Variants in TMEM233 observed in about 807,000 individuals in gnomAD.
TMEM233 encodes transmembrane protein 233.
TMEM233 carries 6 observed loss-of-function variants against 11.2 expected under a neutral mutation model. The ratio of observed to expected loss-of-function variants is 0.54; its 90% CI spans 0.29 to 1.06. The LOEUF is 1.06. Among genes scored for constraint, TMEM233 ranks in the 50% least tolerant of loss-of-function variants. TMEM233 has a pLI of 0.08. For synonymous variants in TMEM233, 59 were observed against 55.8 expected, an observed-to-expected ratio of 1.06 and a Z score of -0.26; for missense variants, 127 against 144.7, an observed-to-expected ratio of 0.88 and a Z score of 0.63.
chr12:119,602,217 T>C (rs965331367), intron 1 of TMEM233, among the ~76,000 whole-genome samples: 10 of 152,210 alleles, frequency 6.6e-5, no homozygotes, highest in Admixed American at 5.9e-4. Context: ...TCAAAACTGC[T>C]TCAAGTGGAC....
downstream of TMEM233, among the ~76,000 whole-genome samples, chr12:119,644,368 A>T (rs1955124232): frequency 6.6e-6 from 1 of 152,240 alleles, no homozygotes; most frequent in African/African-American, 2.4e-5. Context: ...GCTAGGCAAA[A>T]AAACAAAAAC....
At chr12:119,630,692 ACTGCCTAGCGACAAATGTCG>A (rs1954861300) in intron 2 of TMEM233, among the ~76,000 whole-genome samples, 1 of 152,230 alleles carries the variant, frequency 6.6e-6, no homozygotes, top group Non-Finnish European at 1.5e-5. Flanking sequence ...TGGGCTTTTT[ACTGCCTAGCGACAAATGTCG>A]CTTAGGCTTA....
chr12:119,635,452 C>CA (rs1797647011), intron 2 of TMEM233, among the ~76,000 whole-genome samples: 1 of 152,186 alleles, frequency 6.6e-6, no homozygotes, highest in East Asian at 1.9e-4. Context: ...TGCCAACAAA[C>CA]AAGACTTTTT....
chr12:119,600,060 C>T (rs1335718052), intron 1 of TMEM233, among the ~76,000 whole-genome samples: 1 of 152,022 alleles, frequency 6.6e-6, no homozygotes, highest in East Asian at 1.9e-4. Flanking sequence ...TCCACCCACC[C>T]ATTAACAAGC....
At chr12:119,634,486 A>G (rs2136788101) in intron 2 of TMEM233, among the ~76,000 whole-genome samples, 1 of 152,088 alleles carries the variant, frequency 6.6e-6, no homozygotes, top group African/African-American at 2.4e-5. Flanking sequence ...GGTGGCGCAT[A>G]CCTGTCATCC....
intron 1 of TMEM233, among the ~76,000 whole-genome samples, chr12:119,625,006 G>A (rs539435855): frequency 1.1e-4 from 17 of 152,106 alleles, no homozygotes; most frequent in Middle Eastern, 6.8e-3. Context: ...TCCAGAATTC[G>A]TGACTTAGAA....
At chr12:119,650,588 A>G in the TMEM233 span, among the ~76,000 whole-genome samples, 1 of 150,878 alleles carries the variant, frequency 6.6e-6, no homozygotes, top group Non-Finnish European at 1.5e-5. Flanking sequence ...GCCGATTTGC[A>G]TTAATTATAA....
intron 1 of TMEM233, among the ~76,000 whole-genome samples, chr12:119,625,276 G>A (rs1954727094): frequency 6.6e-6 from 1 of 152,096 alleles, no homozygotes; most frequent in South Asian, 2.1e-4. Context: ...AATTATTACT[G>A]AAGTGCTGTG....
At chr12:119,626,552 A>G (rs1954769038) in intron 1 of TMEM233, among the ~76,000 whole-genome samples, 1 of 106,928 alleles carries the variant, frequency 9.4e-6, no homozygotes, top group African/African-American at 3.4e-5. Context: ...AAGAGAAGAG[A>G]AGAGAAGAGA....
At chr12:119,615,914 A>T (rs574314321) in intron 1 of TMEM233, among the ~76,000 whole-genome samples, 1 of 152,210 alleles carries the variant, frequency 6.6e-6, no homozygotes, top group African/African-American at 2.4e-5. Context: ...CAGCCTCATG[A>T]CTGTCTTGCC....
At position 119,595,526 on chromosome 12, in the gene TMEM233, T is replaced by G. The variant is rs1400851201; in HGVS notation, c.186+1492T>G. Among the ~76,000 whole-genome samples the G allele has an allele frequency of 1.3e-5, 2 of 152,236 alleles. No homozygotes were observed. The highest frequency in any genetic ancestry group is 4.8e-5 in the African/African-American group (2 of 41,458). ...CGCTGAAGTTCAGACAAGTCTGTAT[T>G]CAAATCCCAATTCTCCCACTTTCTA... On this transcript the variant is annotated intron_variant, in intron 1 of 2. Coordinates refer to ENST00000426426, the MANE Select transcript of TMEM233 (RefSeq NM_001136534.3). This position sits in a 1 kb window ranked among gnomAD's most constrained non-coding sequence, Gnocchi z 4.3.
chr12:119,601,417 G>GGC (rs1290882254), intron 1 of TMEM233, among the ~76,000 whole-genome samples: 6 of 151,820 alleles, frequency 4.0e-5, no homozygotes, highest in Non-Finnish European at 8.8e-5. Context: ...AGCACTTTGG[G>GGC]AGGCCGAGGC....
intron 1 of TMEM233, among the ~76,000 whole-genome samples, chr12:119,627,520 A>T (rs1954789169): frequency 6.6e-6 from 1 of 152,202 alleles, no homozygotes; most frequent in Non-Finnish European, 1.5e-5. Context: ...CAATTGTGTC[A>T]TGTGGCAAGA....
Position 119,614,678 on chromosome 12 carries a change from TAGAA to T in TMEM233, c.187-15055_187-15052del, listed in dbSNP as rs1272428998. ...CTTTTGGTTACATTTGTAGTCCCCTTAGAAAGTTGCTTTTGAACACAGAAACACT... is the reference window on the plus strand; with the variant it reads ...CTTTTGGTTACATTTGTAGTCCCCTTAGTTGCTTTTGAACACAGAAACACT... On this transcript the variant is annotated intron_variant, in intron 1 of 2. Coordinates refer to ENST00000426426, the MANE Select transcript of TMEM233 (RefSeq NM_001136534.3). 2.6e-5 allele frequency among the ~76,000 whole-genome samples: 4 copies of T among 152,160 alleles called. No homozygotes were observed. In the East Asian group the frequency reaches 7.7e-4, roughly 29 times the overall value.
At chr12:119,634,170 CACCTA>C in intron 2 of TMEM233, 1 of 812,764 alleles carries the variant, frequency 1.2e-6, no homozygotes, top group Non-Finnish European at 1.5e-6. Flanking sequence ...ATGAAGTTGC[CACCTA>C]GCAGGTCTAC....
chr12:119,638,756 G>T (rs1251547820), intron 2 of TMEM233, among the ~76,000 whole-genome samples: 1 of 152,080 alleles, frequency 6.6e-6, no homozygotes, highest in Non-Finnish European at 1.5e-5. Flanking sequence ...TGAAGACAGG[G>T]CCAGGTGCCC....
chr12:119,614,232 G>T (rs766294146), intron 1 of TMEM233, among the ~76,000 whole-genome samples: 2 of 152,020 alleles, frequency 1.3e-5, no homozygotes, highest in Non-Finnish European at 2.9e-5. Flanking sequence ...ACATGTGAAA[G>T]CCCATCTCTA....
At chr12:119,622,293 A>T (rs1312611481) in intron 1 of TMEM233, among the ~76,000 whole-genome samples, 1 of 152,232 alleles carries the variant, frequency 6.6e-6, no homozygotes. Context: ...GAGAAGTAAG[A>T]TTAGGGAAAG....
chr12:119,639,765 T>C (rs1033960017), intron 2 of TMEM233, among the ~76,000 whole-genome samples: 1 of 152,108 alleles, frequency 6.6e-6, no homozygotes, highest in Non-Finnish European at 1.5e-5. Context: ...ATACATAAAA[T>C]GGGGATAATA....
Sources: allele counts gnomAD v4.1 joint callset (sites outside exome capture counted in the v4.1 genomes callset), GRCh38; gene constraint gnomAD v4.1.1; non-coding constraint Gnocchi (gnomAD v3.1); transcripts MANE v1.5; gene names NCBI Gene and HGNC (gene_info 2026-07-23, HGNC 2026-07-21).